Variants in SPIDR observed in about 807,000 individuals in gnomAD.
SPIDR encodes DNA repair-scaffolding protein.
In SPIDR, 93 loss-of-function variants were observed where a neutral mutation model predicts 104.6. The ratio of observed to expected loss-of-function variants is 0.89; its 90% CI spans 0.75 to 1.06. SPIDR has a LOEUF of 1.06. Ranked by LOEUF, SPIDR falls within the 50% of genes least tolerant of loss-of-function variation. SPIDR has a pLI of 0.00. For missense variants in SPIDR, 1,154 were observed against 1,111.2 expected, an observed-to-expected ratio of 1.04 and a Z score of -0.55; for synonymous variants, 431 against 416.9, an observed-to-expected ratio of 1.03 and a Z score of -0.41.
intron 1 of SPIDR, among the ~76,000 whole-genome samples, 185 bp downstream of exon 1, chr8:47,261,176 A>G (rs1201701737): frequency 6.6e-6 from 1 of 152,094 alleles, no homozygotes; most frequent in South Asian, 2.1e-4. Flanking sequence ...TACCGCCCCC[A>G]GGTCCGGCTC....
rs139753531 is a variant in SPIDR at position 47,557,751 on chromosome 8, G to T, written c.1098-38060G>T. Among the ~76,000 whole-genome samples the T allele has an allele frequency of 2.0e-5, 3 of 152,200 alleles. No individual in the cohort carries two copies. In the East Asian group the frequency reaches 5.8e-4, roughly 29 times the overall value. ...TCATTTCTAAGTTCATGAACCTTTG[G>T]TATATCACTAAAGACAATTAAGACC... is the stretch of plus-strand genomic sequence containing the variant. On this transcript the variant is annotated intron_variant, in intron 8 of 19. Transcript: ENST00000297423.
intron 8 of SPIDR, among the ~76,000 whole-genome samples, chr8:47,524,138 G>A (rs1167673771): frequency 1.3e-5 from 2 of 152,174 alleles, no homozygotes; most frequent in Non-Finnish European, 1.5e-5. Flanking sequence ...TCAGGCACAT[G>A]TATGCTAAAA....
At chr8:47,588,267 G>C (rs2060543955) in intron 8 of SPIDR, among the ~76,000 whole-genome samples, 1 of 148,780 alleles carries the variant, frequency 6.7e-6, no homozygotes, top group South Asian at 2.1e-4. Context: ...TGTAGCTTCA[G>C]CATATAAGTC....
rs565670668 is a variant in SPIDR at position 47,460,529 on chromosome 8, C to G, written c.1097+19987C>G. On this transcript the variant is annotated intron_variant, in intron 8 of 19. Transcript: ENST00000297423. ...TTGCGTGGGCTGTCTTTTTACACCC[C>G]TTTACCTTAAGTTTATCTGAGTCCT... Among the ~76,000 whole-genome samples the G allele has an allele frequency of 3.5e-4, 54 of 152,252 alleles. 1 individual carries two copies. The South Asian group carries it at 0.011, about 32-fold the overall frequency.
chr8:47,504,533 C>T lies in SPIDR; in HGVS notation c.1097+63991C>T, dbSNP rs556044954. On this transcript the variant is annotated intron_variant, in intron 8 of 19. Coordinates refer to ENST00000297423, the MANE Select transcript of SPIDR (RefSeq NM_001080394.4). ...GCATTGGTTATTCTAGTTAGCCATT[C>T]GTCTAATCTTTTTTCAAGGTTTTTA... Among the ~76,000 whole-genome samples the T allele has an allele frequency of 2.8e-3, 422 of 152,214 alleles. 1 individual carries two copies. Among genetic ancestry groups the T allele is most frequent in the African/African-American group, 9.9e-3 (410 of 41,528 alleles).
chr8:47,334,403 C>T (rs1554606950), intron 5 of SPIDR, among the ~76,000 whole-genome samples: 1 of 152,146 alleles, frequency 6.6e-6, no homozygotes, highest in Non-Finnish European at 1.5e-5. Context: ...TAATTTATTT[C>T]ACTTTGCAGT....
At chr8:47,444,632 G>A (rs1367982863) in intron 8 of SPIDR, among the ~76,000 whole-genome samples, 1 of 152,090 alleles carries the variant, frequency 6.6e-6, no homozygotes, top group African/African-American at 2.4e-5. Context: ...CACTGCTTGG[G>A]TGAAATATTT....
intron 5 of SPIDR, among the ~76,000 whole-genome samples, chr8:47,317,670 C>T (rs1231886539): frequency 2.6e-5 from 4 of 152,176 alleles, no homozygotes; most frequent in South Asian, 4.2e-4. Context: ...CTGACCCCCC[C>T]GAGTAGCTTA....
intron 16 of SPIDR, among the ~76,000 whole-genome samples, chr8:47,714,139 T>A (rs2154489137): frequency 6.6e-6 from 1 of 152,190 alleles, no homozygotes; most frequent in Non-Finnish European, 1.5e-5. Flanking sequence ...GCTGGTGGTG[T>A]CAGGAGTGTG....
chr8:47,330,607 A>G (rs150489720), intron 5 of SPIDR, among the ~76,000 whole-genome samples: 168 of 152,292 alleles, frequency 1.1e-3, no homozygotes, highest in African/African-American at 3.3e-3. Context: ...TTGGAATCAT[A>G]TAGTATGGCT....
At chr8:47,650,436 C>T (rs2071405261) in intron 10 of SPIDR, among the ~76,000 whole-genome samples, 1 of 152,106 alleles carries the variant, frequency 6.6e-6, no homozygotes, top group African/African-American at 2.4e-5. Context: ...GAAAACACTG[C>T]TGGAAATGAT....
intron 1 of SPIDR, among the ~76,000 whole-genome samples, chr8:47,267,320 G>A (rs2154211773): frequency 6.6e-6 from 1 of 152,158 alleles, no homozygotes; most frequent in South Asian, 2.1e-4. Flanking sequence ...CATCGCACCT[G>A]GCCTGCGTTG....
chr8:47,652,441 G>A (rs1046688350), intron 10 of SPIDR, among the ~76,000 whole-genome samples: 6 of 152,178 alleles, frequency 3.9e-5, no homozygotes, highest in African/African-American at 4.8e-5. Flanking sequence ...AGCTGGGCAC[G>A]GCAGGCAGCT....
intron 10 of SPIDR, among the ~76,000 whole-genome samples, chr8:47,611,997 A>G (rs1329380011): frequency 1.3e-5 from 2 of 152,132 alleles, no homozygotes; most frequent in Non-Finnish European, 2.9e-5. Context: ...TTCCACACGT[A>G]CCTGGCCTGC....
At chr8:47,697,987 G>T (rs2079599659) in intron 11 of SPIDR, 1 of 152,122 alleles carries the variant, frequency 6.6e-6, no homozygotes, top group South Asian at 2.1e-4. Flanking sequence ...CAAACTTGTT[G>T]TCACAGATTA....
In SPIDR at chr8:47,705,799, G is replaced by C. The variant is rs2081000577; in HGVS notation, c.1977+3784G>C. 2.0e-5 allele frequency among the ~76,000 whole-genome samples: 3 copies of C among 152,152 alleles called. No individual in the cohort carries two copies. In the South Asian group the frequency reaches 6.2e-4, roughly 32 times the overall value. ...CATGCCTATCATCTCAGCTACTTGG[G>C]AGGCTGACATGGGAGGATCCCTTGA... is the stretch of plus-strand genomic sequence containing the variant. On this transcript the variant is annotated intron_variant, in intron 14 of 19. Transcript: ENST00000297423.
chr8:47,624,150 G>A lies in SPIDR; in HGVS notation c.1544+24954G>A, dbSNP rs547718914. The stretch of plus-strand genomic sequence containing the variant: ...CCTGAATGACTACTGGGTACATAAC[G>A]AAATGAAGGCAGAAATAAAGATGTT... On this transcript the variant is annotated intron_variant, in intron 10 of 19. Transcript: ENST00000297423. Among the ~76,000 whole-genome samples the A allele has an allele frequency of 1.2e-4, 19 of 152,208 alleles. No individual in the cohort carries two copies. In the Middle Eastern group the frequency reaches 0.01, roughly 82 times the overall value.
At chr8:47,279,719 A>G in intron 1 of SPIDR, 143 bp from the exon 2 acceptor site, 2 of 741,210 alleles carry the variant, frequency 2.7e-6, no homozygotes, top group Non-Finnish European at 4.2e-6. Flanking sequence ...TCTTTATGTG[A>G]AGATTTAGAG....
intron 8 of SPIDR, among the ~76,000 whole-genome samples, chr8:47,519,132 G>C (rs2083619525): frequency 6.6e-6 from 1 of 151,650 alleles, no homozygotes; most frequent in South Asian, 2.1e-4. Flanking sequence ...TTTTGTTGTT[G>C]TTGTTGTTGT....
Sources: allele counts gnomAD v4.1 joint callset (sites outside exome capture counted in the v4.1 genomes callset), GRCh38; gene constraint gnomAD v4.1.1; transcripts MANE v1.5; gene names NCBI Gene and HGNC (gene_info 2026-07-23, HGNC 2026-07-21).